The following ASIP variants were observed in gnomAD, a reference collection of about 807,000 sequenced individuals.
ASIP encodes agouti-signaling protein.
ASIP carries 11 observed loss-of-function variants against 10.3 expected under a neutral mutation model. The ratio of observed to expected loss-of-function variants is 1.07; its 90% CI spans 0.68 to 1.78. ASIP has a LOEUF of 1.78. Among genes scored for constraint, ASIP ranks in the 40% most tolerant of loss-of-function variants. The pLI, the probability that ASIP is intolerant of heterozygous loss-of-function variation, is 0.00. For missense variants in ASIP, 180 were observed against 169.2 expected (o/e 1.06, Z -0.35); for synonymous variants, 70 against 70.8 (o/e 0.99, Z 0.06).
chr20:34,215,057 T>G, intron 1 of ASIP: 1 of 1,535,664 alleles, frequency 6.5e-7, no homozygotes, highest in Non-Finnish European at 9.0e-7. Flanking sequence ...TCCTGGTCAA[T>G]GCTGAAAAAG....
intron 1 of ASIP, among the ~76,000 whole-genome samples, chr20:34,212,543 C>T (rs1272988822): frequency 6.6e-6 from 1 of 152,126 alleles, no homozygotes; most frequent in African/African-American, 2.4e-5. Context: ...AATATTGATG[C>T]AATACATTAT....
chr20:34,245,956 C>G (rs2035368017), intron 1 of ASIP: 1 of 1,497,538 alleles, frequency 6.7e-7, no homozygotes, highest in African/African-American at 1.4e-5. Flanking sequence ...TTCAAATTCA[C>G]TTCTTTACTT....
upstream of ASIP, among the ~76,000 whole-genome samples, chr20:34,241,089 C>A (rs2035278068): frequency 1.3e-5 from 2 of 152,202 alleles, no homozygotes; most frequent in Non-Finnish European, 2.9e-5. Flanking sequence ...CTAATAGAGG[C>A]ACAGTCACTT....
In ASIP at chr20:34,260,520, C is replaced by T; in HGVS notation, c.146C>T (p.Ser49Phe). 2 of 1,612,870 alleles carry T rather than the reference C, an allele frequency of 1.2e-6. No homozygotes were observed. Among genetic ancestry groups the T allele is most frequent in the Non-Finnish European group, 1.7e-6 (2 of 1,179,186 alleles). Residue 49 changes from serine to phenylalanine, a missense_variant, in exon 2 of 4, where the codon TCT becomes TTT. By Grantham distance (155) the Ser-to-Phe change is radical. Coordinates refer to ENST00000374954, the MANE Select transcript of ASIP (RefSeq NM_001672.3). The stretch of plus-strand genomic sequence containing the variant: ...TCTGTGAACCTACTGGATGTCCCTT[C>T]TGTCTCTATTGTGGGTAAGTCACCT... ...NSSVNLLDVP[S>F]VSIVALNKKS... is the part of the protein sequence containing the mutation.
At chr20:34,217,827 A>T (rs903233567) in intron 1 of ASIP, among the ~76,000 whole-genome samples, 17 of 152,144 alleles carry the variant, frequency 1.1e-4, no homozygotes, top group Non-Finnish European at 1.5e-5. Flanking sequence ...CTCCCAAAGT[A>T]CTGGGATTAA....
intron 1 of ASIP, among the ~76,000 whole-genome samples, chr20:34,206,585 T>G (rs1247493677): frequency 1.3e-5 from 2 of 151,954 alleles, no homozygotes; most frequent in Non-Finnish European, 2.9e-5. Flanking sequence ...TTTGTTTTTG[T>G]TTTTGTTTTT....
At chr20:34,262,686 T>G (rs549174591) in intron 2 of ASIP, 146 bp from the exon 3 acceptor site, 10 of 800,616 alleles carry the variant, frequency 1.2e-5, no homozygotes, top group South Asian at 1.1e-4. Context: ...CCTACTGGCT[T>G]GAGTCCTACA....
At chr20:34,212,494 G>A (rs2034981077) in intron 1 of ASIP, among the ~76,000 whole-genome samples, 1 of 151,982 alleles carries the variant, frequency 6.6e-6, no homozygotes, top group East Asian at 1.9e-4. Context: ...AGTAACCATG[G>A]TACAGTTATC....
chr20:34,248,675 C>T (rs1254607305), intron 1 of ASIP, among the ~76,000 whole-genome samples: 1 of 151,920 alleles, frequency 6.6e-6, no homozygotes, highest in Non-Finnish European at 1.5e-5. Flanking sequence ...TGGCTCACAC[C>T]TGTAGTCTCA....
intron 1 of ASIP, among the ~76,000 whole-genome samples, chr20:34,207,234 T>C (rs2034943461): frequency 6.6e-6 from 1 of 152,260 alleles, no homozygotes; most frequent in South Asian, 2.1e-4. Flanking sequence ...TTTCTGATAA[T>C]AGCCATTTTA....
At chr20:34,213,559 A>T (rs768457319) in intron 1 of ASIP, 7 of 1,544,720 alleles carry the variant, frequency 4.5e-6, no homozygotes, top group Non-Finnish European at 5.3e-6. Context: ...AATTGCATGA[A>T]GCAGGGGCAT....
At chr20:34,205,693 T>TC in intron 1 of ASIP, among the ~76,000 whole-genome samples, 2 of 140,180 alleles carry the variant, frequency 1.4e-5, no homozygotes, top group African/African-American at 3.1e-5. Context: ...AGCGCTGATT[T>TC]TGCCGTTTTA....
chr20:34,232,474 C>T (rs1253388129), intron 1 of ASIP, among the ~76,000 whole-genome samples: 1 of 152,142 alleles, frequency 6.6e-6, no homozygotes, highest in African/African-American at 2.4e-5. Flanking sequence ...TCTCATACAG[C>T]ATAGACCACT....
intron 1 of ASIP, among the ~76,000 whole-genome samples, chr20:34,253,451 A>AT (rs1268156930): frequency 8.0e-5 from 11 of 137,768 alleles, no homozygotes; most frequent in Admixed American, 3.6e-4. Context: ...ATTTTATTTT[A>AT]TTTATTTATT....
chr20:34,197,301 C>T (rs1348282015), intron 1 of ASIP, among the ~76,000 whole-genome samples: 1 of 152,008 alleles, frequency 6.6e-6, no homozygotes, highest in Non-Finnish European at 1.5e-5. Context: ...GCGGGGGTTG[C>T]GGTGAGCAGA....
intron 2 of ASIP, among the ~76,000 whole-genome samples, chr20:34,261,248 A>G (rs1014231515): frequency 6.6e-6 from 1 of 152,222 alleles, no homozygotes; most frequent in Admixed American, 6.5e-5. Context: ...CTGTAATCCC[A>G]GCACTTTGGG....
intron 1 of ASIP, among the ~76,000 whole-genome samples, chr20:34,200,125 T>C (rs2034883180): frequency 6.6e-6 from 1 of 152,230 alleles, no homozygotes; most frequent in South Asian, 2.1e-4. Context: ...ATTTATACAG[T>C]TATAAAAATA....
upstream of ASIP, among the ~76,000 whole-genome samples, chr20:34,237,900 A>G (rs1459147727): frequency 5.3e-5 from 8 of 152,224 alleles, no homozygotes; most frequent in Middle Eastern, 6.8e-3. Flanking sequence ...TCCTGCATCA[A>G]TTGAGATAAT....
At position 34,258,700 on chromosome 20, in the gene ASIP, A is replaced by ATATATATATATATATATATATACACATAC. The variant is rs1555826880; in HGVS notation, c.-10-1656_-10-1655insATATATATATATACACATACTATATATAT. Reference sequence around the variant, plus strand: ...ATATATATATATATATACATACTATATATATATATTATATATATTATAAAA... The same window carrying ATATATATATATATATATATATACACATAC: ...ATATATATATATATATACATACTATATATATATATATATATATATATACACATACTATATATATTATATATATTATAAAA... On this transcript the variant is annotated intron_variant, in intron 1 of 3. Coordinates refer to ENST00000374954, the MANE Select transcript of ASIP (RefSeq NM_001672.3). Among the ~76,000 whole-genome samples, 3 of 77,918 alleles carry ATATATATATATATATATATATACACATAC rather than the reference A, an allele frequency of 3.9e-5. 1 individual carries two copies. Among genetic ancestry groups the ATATATATATATATATATATATACACATAC allele is most frequent in the Non-Finnish European group, 2.4e-5 (1 of 41,382 alleles). 51.1% of individuals were successfully genotyped at this position (77,918 alleles called of 152,430 possible).
Sources: gnomAD v4.1 joint callset for allele counts (sites outside exome capture counted in the v4.1 genomes callset) on GRCh38, gnomAD v4.1.1 for gene constraint, MANE v1.5 for transcripts, NCBI Gene and HGNC (gene_info 2026-07-23, HGNC 2026-07-21) for gene names.